Variants in IMMP2L observed in about 807,000 individuals in gnomAD.
IMMP2L encodes mitochondrial inner membrane protease subunit 2.
Under a neutral mutation model 19.3 loss-of-function variants are expected in IMMP2L, and 18 were observed. The observed-to-expected ratio is 0.93, with a 90% confidence interval of 0.64 to 1.38. IMMP2L has a LOEUF of 1.38. IMMP2L is among the 40% of genes most tolerant of loss of function. The pLI, the probability that IMMP2L is intolerant of heterozygous loss-of-function variation, is 0.00. For synonymous variants in IMMP2L, 76 were observed against 73.0 expected (o/e 1.04, Z -0.21); for missense variants, 233 against 218.2 (o/e 1.07, Z -0.43).
chr7:111,509,332 T>C (rs546941665), intron 2 of IMMP2L, among the ~76,000 whole-genome samples: 34 of 152,216 alleles, frequency 2.2e-4, no homozygotes, highest in Non-Finnish European at 3.8e-4. Flanking sequence ...AAAAGGGTTT[T>C]CTCAAACAAG....
rs544062285 is a variant in IMMP2L at position 110,982,251 on chromosome 7, G to A, written c.240-18686C>T. On this transcript the variant is annotated intron_variant, in intron 3 of 5. Transcript: ENST00000405709. ...TCCTCCAAAAGCTAGACCCTGCTGCGTCATTCAGCCAAAGATATAAAACTG... is the reference window on the plus strand; with the variant it reads ...TCCTCCAAAAGCTAGACCCTGCTGCATCATTCAGCCAAAGATATAAAACTG... Among the ~76,000 whole-genome samples the A allele has an allele frequency of 4.6e-5, 7 of 152,188 alleles. No homozygotes were observed. The East Asian group carries it at 7.7e-4, about 17-fold the overall frequency.
intron 3 of IMMP2L, among the ~76,000 whole-genome samples, chr7:111,395,514 T>G (rs532383858): frequency 1.3e-5 from 2 of 152,308 alleles, no homozygotes; most frequent in Admixed American, 6.5e-5. Context: ...TACATTTTAA[T>G]GAAAATCATA....
intron 5 of IMMP2L, among the ~76,000 whole-genome samples, chr7:110,818,629 G>A (rs990397088): frequency 6.6e-6 from 1 of 151,984 alleles, no homozygotes; most frequent in African/African-American, 2.4e-5. Context: ...TACCCAAAGG[G>A]TTATAATCAT....
intron 3 of IMMP2L, among the ~76,000 whole-genome samples, chr7:111,028,865 C>A (rs1194189434): frequency 6.6e-6 from 1 of 152,080 alleles, no homozygotes; most frequent in African/African-American, 2.4e-5. Flanking sequence ...ATCTTATGAG[C>A]AAGACTGTGA....
chr7:110,955,902 T>TTA (rs918107886), intron 4 of IMMP2L, among the ~76,000 whole-genome samples: 14 of 151,980 alleles, frequency 9.2e-5, no homozygotes, highest in Non-Finnish European at 1.6e-4. Flanking sequence ...CATTGGCTTC[T>TTA]ATTATTCAGA....
In IMMP2L at chr7:110,885,397, A is replaced by ATGT. The variant is rs368245048; in HGVS notation, c.408+1193_408+1195dup. Among the ~76,000 whole-genome samples, 111 of 152,052 alleles carry ATGT rather than the reference A, an allele frequency of 7.3e-4. 1 individual carries two copies. Among genetic ancestry groups the ATGT allele is most frequent in the African/African-American group, 2.6e-3 (108 of 41,512 alleles). ...TATAGATATGTCTGCCTTTAGGAAA[A>ATGT]TGTAATGAGTGAAGATCCAAGCTTT... On this transcript the variant is annotated intron_variant, in intron 5 of 5. Coordinates refer to ENST00000405709, the MANE Select transcript of IMMP2L (RefSeq NM_032549.4).
At chr7:111,390,739 G>A (rs1832267839) in intron 3 of IMMP2L, 2 of 152,060 alleles carry the variant, frequency 1.3e-5, no homozygotes, top group Admixed American at 1.3e-4. Context: ...ATGGCAATAG[G>A]TAATAATCTA....
At chr7:111,499,927 C>G (rs1372786293) in intron 2 of IMMP2L, among the ~76,000 whole-genome samples, 1 of 152,154 alleles carries the variant, frequency 6.6e-6, no homozygotes, top group African/African-American at 2.4e-5. Context: ...GTACCGGGTT[C>G]ATCTCACTAG....
intron 3 of IMMP2L, among the ~76,000 whole-genome samples, chr7:111,461,868 CA>C (rs1343706344): frequency 6.6e-6 from 1 of 151,934 alleles, no homozygotes; most frequent in Non-Finnish European, 1.5e-5. Flanking sequence ...AGCATTCCTT[CA>C]AAATGTATTT....
chr7:111,437,219 G>A (rs1453482069), intron 3 of IMMP2L, among the ~76,000 whole-genome samples: 1 of 151,816 alleles, frequency 6.6e-6, no homozygotes, highest in South Asian at 2.1e-4. Context: ...GCCAAGGCGG[G>A]TGGATCACCT....
intron 4 of IMMP2L, among the ~76,000 whole-genome samples, chr7:110,887,609 T>C (rs1265301846): frequency 1.3e-5 from 2 of 151,578 alleles, no homozygotes; most frequent in Admixed American, 6.6e-5. Context: ...AAAAAAATAA[T>C]TTACCTAAAT....
chr7:110,896,653 ATGTTATTTTAC>A (rs1367310532), intron 4 of IMMP2L, among the ~76,000 whole-genome samples: 13 of 151,134 alleles, frequency 8.6e-5, no homozygotes, highest in Admixed American at 2.0e-4. Context: ...GTATTTTCGT[ATGTTATTTTAC>A]ATATAATTGG....
chr7:110,919,783 G>A (rs1246009538), intron 4 of IMMP2L, among the ~76,000 whole-genome samples: 2 of 152,124 alleles, frequency 1.3e-5, no homozygotes, highest in Admixed American at 1.3e-4. Flanking sequence ...TGATTGGATT[G>A]AAGGATGCAA....
intron 3 of IMMP2L, among the ~76,000 whole-genome samples, chr7:111,388,497 C>T (rs181125482): frequency 6.6e-6 from 1 of 151,760 alleles, no homozygotes; most frequent in Non-Finnish European, 1.5e-5. Context: ...TATATATGTA[C>T]GTACATATAT....
Position 111,522,926 on chromosome 7 carries a change from C to CATATATATATATATATAT in IMMP2L, c.-2-1478_-2-1477insATATATATATATATATAT, listed in dbSNP as rs148789480. ...TGAATGAACTTTAAGATGTGAGATA[C>CATATATATATATATATAT]ATATATATATATTATTTCACCATAA... On this transcript the variant is annotated intron_variant, in intron 1 of 5. Transcript: ENST00000405709. Among the ~76,000 whole-genome samples, 343 of 134,932 alleles carry CATATATATATATATATAT rather than the reference C, an allele frequency of 2.5e-3. 25 individuals are homozygous for CATATATATATATATATAT. The highest frequency in any genetic ancestry group is 9.8e-3 in the African/African-American group (312 of 31,742). The allele number at this position is 134,932 out of a possible 152,430, so 88.5% of individuals were successfully genotyped here.
At chr7:111,349,521 C>CA (rs918269168) in intron 3 of IMMP2L, among the ~76,000 whole-genome samples, 1 of 152,136 alleles carries the variant, frequency 6.6e-6, no homozygotes, top group African/African-American at 2.4e-5. Context: ...TGATAAAAGT[C>CA]AGCTTCTCCC....
intron 3 of IMMP2L, among the ~76,000 whole-genome samples, chr7:111,103,759 T>C (rs1798237409): frequency 6.6e-6 from 1 of 151,638 alleles, no homozygotes; most frequent in Non-Finnish European, 1.5e-5. Flanking sequence ...CTATGAACTT[T>C]TAACGCATTA....
intron 3 of IMMP2L, among the ~76,000 whole-genome samples, chr7:111,114,738 CAAAAAAAAAAAAAAAGA>C (rs1799663907): frequency 1.6e-5 from 1 of 62,612 alleles, no homozygotes; most frequent in Non-Finnish European, 3.7e-5. Context: ...GACTCCATCT[CAAAAAAAAAAAAAAAGA>C]AAGAAAGAAA....
intron 1 of IMMP2L, among the ~76,000 whole-genome samples, chr7:111,537,527 CTTTTT>C (rs5886594): frequency 1.5e-4 from 12 of 78,548 alleles, no homozygotes; most frequent in Non-Finnish European, 2.1e-4. Flanking sequence ...ATCACTTCCA[CTTTTT>C]TTTTTTTTTT....
Sources: allele counts gnomAD v4.1 joint callset (sites outside exome capture counted in the v4.1 genomes callset), GRCh38; gene constraint gnomAD v4.1.1; transcripts MANE v1.5; gene names NCBI Gene and HGNC (gene_info 2026-07-23, HGNC 2026-07-21).